The following GRIA4 variants were observed in gnomAD, a reference collection of about 807,000 sequenced individuals.
GRIA4 encodes the protein glutamate ionotropic receptor AMPA type subunit 4.
A neutral mutation model predicts 104.0 loss-of-function variants in GRIA4; 34 were observed. The ratio of observed to expected loss-of-function variants is 0.33; its 90% CI spans 0.25 to 0.44. The LOEUF (loss-of-function observed/expected upper bound fraction) is 0.44, where lower values mean the gene tolerates loss of function less well. Ranked by LOEUF, GRIA4 falls within the 20% of genes least tolerant of loss-of-function variation. GRIA4 has a pLI of 1.00. For missense variants in GRIA4, 750 were observed against 1,096.5 expected (o/e 0.68, Z 4.46); for synonymous variants, 386 against 381.9 (o/e 1.01, Z -0.13).
chr11:105,613,452 T>C (rs781137111), intron 3 of GRIA4: 1 of 152,170 alleles, frequency 6.6e-6, no homozygotes, highest in African/African-American at 2.4e-5. Context: ...CTACATACAA[T>C]TTTGCATGTT....
intron 3 of GRIA4, among the ~76,000 whole-genome samples, chr11:105,678,914 C>A (rs1952625278): frequency 6.6e-6 from 1 of 152,070 alleles, no homozygotes; most frequent in Non-Finnish European, 1.5e-5. Context: ...AATTTTCCCC[C>A]TGGAAAAGGT....
intron 3 of GRIA4, among the ~76,000 whole-genome samples, chr11:105,718,565 T>G (rs1389534052): frequency 1.3e-5 from 2 of 152,134 alleles, no homozygotes; most frequent in Non-Finnish European, 2.9e-5. Flanking sequence ...AGAAAACGAT[T>G]GCTGTCTCAT....
intron 3 of GRIA4, among the ~76,000 whole-genome samples, chr11:105,633,260 A>G (rs574108792): frequency 6.6e-6 from 1 of 152,322 alleles, no homozygotes; most frequent in Non-Finnish European, 1.5e-5. Context: ...CATGTGTTTC[A>G]CAGCTGACAA....
chr11:105,871,690 A>T (rs74958946), intron 5 of GRIA4, among the ~76,000 whole-genome samples: 1 of 152,056 alleles, frequency 6.6e-6, no homozygotes, highest in Non-Finnish European at 1.5e-5. Flanking sequence ...GTGAAAAAAA[A>T]ATCTGCTGAA....
At chr11:105,961,980 T>A (rs891245536) in intron 14 of GRIA4, among the ~76,000 whole-genome samples, 1 of 152,208 alleles carries the variant, frequency 6.6e-6, no homozygotes, top group Non-Finnish European at 1.5e-5. Flanking sequence ...GTCCTGAATA[T>A]CTTGTGGGCA....
intron 4 of GRIA4, 57 bp downstream of exon 4, chr11:105,753,277 C>T (rs576986509): frequency 2.7e-5 from 41 of 1,512,514 alleles, no homozygotes; most frequent in Non-Finnish European, 2.9e-5. Context: ...TGTGAAATGG[C>T]CTTATATGAC....
chr11:105,925,529 A>G (rs571470294), intron 12 of GRIA4, among the ~76,000 whole-genome samples: 14 of 152,302 alleles, frequency 9.2e-5, no homozygotes, highest in African/African-American at 2.6e-4. Context: ...CATCACAAAT[A>G]TATGGATTTC....
chr11:105,751,115 A>G lies in GRIA4; in HGVS notation c.248-1866A>G, dbSNP rs1455951110. Among the ~76,000 whole-genome samples, 13 of 152,204 alleles carry G rather than the reference A, an allele frequency of 8.5e-5. 1 individual carries two copies. The highest frequency in any genetic ancestry group is 2.6e-4 in the Admixed American group (4 of 15,268). Reference sequence around the variant, plus strand: ...TTTGTGTATAGTTTCAGCACAAACTAAAAGCCAGGATCTTAGGTTTGAATT... The same window carrying G: ...TTTGTGTATAGTTTCAGCACAAACTGAAAGCCAGGATCTTAGGTTTGAATT... On this transcript the variant is annotated intron_variant, in intron 3 of 16. Coordinates refer to ENST00000282499, the MANE Select transcript of GRIA4 (RefSeq NM_000829.4).
At chr11:105,711,827 A>G (rs531835221) in intron 3 of GRIA4, among the ~76,000 whole-genome samples, 7 of 152,254 alleles carry the variant, frequency 4.6e-5, no homozygotes, top group Non-Finnish European at 7.4e-5. Flanking sequence ...GCTCAATTCC[A>G]TTCTGGCTCA....
chr11:105,971,897 T>C lies in GRIA4; in HGVS notation c.2295-17T>C. 1 of 1,440,968 alleles carries C rather than the reference T, an allele frequency of 6.9e-7. No individual in the cohort carries two copies. The highest frequency in any genetic ancestry group is 9.8e-7 in the Non-Finnish European group (1 of 1,024,382). 89.3% of individuals were successfully genotyped at this position (1,440,968 alleles called of 1,614,324 possible). On this transcript the variant is annotated splice_polypyrimidine_tract_variant and intron_variant, in intron 14 of 16. Transcript: ENST00000282499. ...AATAACATATATAATGTTATTTATGTTATTTTCCACGTGAAGAACTCCTGT... is the reference window on the plus strand; with the variant it reads ...AATAACATATATAATGTTATTTATGCTATTTTCCACGTGAAGAACTCCTGT...
chr11:105,846,317 A>G (rs551638010), intron 4 of GRIA4, among the ~76,000 whole-genome samples: 44 of 152,186 alleles, frequency 2.9e-4, no homozygotes, highest in Non-Finnish European at 5.7e-4. Flanking sequence ...CAACACCTGT[A>G]GTTAATTTGG....
chr11:105,935,974 G>T (rs758471116), intron 14 of GRIA4, among the ~76,000 whole-genome samples: 1 of 152,122 alleles, frequency 6.6e-6, no homozygotes, highest in Non-Finnish European at 1.5e-5. Context: ...TTCCTGGATG[G>T]AGAGTTTGTT....
intron 7 of GRIA4, among the ~76,000 whole-genome samples, chr11:105,902,300 G>A (rs1413474339): frequency 2.7e-5 from 4 of 150,830 alleles, no homozygotes; most frequent in East Asian, 1.9e-4. Flanking sequence ...TCTCATGGCC[G>A]TGTTGCCTAA....
intron 11 of GRIA4, among the ~76,000 whole-genome samples, chr11:105,922,294 A>C (rs531762774): frequency 4.7e-4 from 71 of 152,146 alleles, no homozygotes; most frequent in Non-Finnish European, 9.1e-4. Flanking sequence ...AAGTAAACAG[A>C]ACTTTTCTGA....
Position 105,926,884 on chromosome 11 carries a change from A to C in GRIA4, c.1991A>C (p.Gln664Pro). The C allele has an allele frequency of 6.2e-7, 1 of 1,612,620 alleles. No homozygotes were observed. The highest frequency in any genetic ancestry group is 8.5e-7 in the Non-Finnish European group (1 of 1,178,958). Reference sequence around the variant, plus strand: ...GAAAGTGCAGAAGACCTGGCCAAACAAACAGAAATTGCCTATGGAACACTG... The same window carrying C: ...GAAAGTGCAGAAGACCTGGCCAAACCAACAGAAATTGCCTATGGAACACTG... ...PIESAEDLAK[Q>P]TEIAYGTLDS... is the part of the protein sequence containing the mutation. Residue 664 changes from glutamine (Q) to proline (P), a missense_variant, in exon 13 of 17, where the codon CAA becomes CCA. By Grantham distance (76) the Gln-to-Pro change is moderately conservative. This residue lies in a region of GRIA4 where 272 missense variants were observed against 524.5 expected (regional missense o/e 0.52). Transcript: ENST00000282499.
intron 3 of GRIA4, among the ~76,000 whole-genome samples, chr11:105,635,534 C>T (rs1398059096): frequency 6.6e-6 from 1 of 152,050 alleles, no homozygotes; most frequent in Non-Finnish European, 1.5e-5. Context: ...GGAAATACTC[C>T]GAAGGACATT....
intron 10 of GRIA4, chr11:105,912,532 A>AT: frequency 3.7e-6 from 1 of 268,430 alleles, no homozygotes; most frequent in Non-Finnish European, 5.6e-6. Context: ...ATATATATAT[A>AT]AATATATATA....
At chr11:105,916,635 T>A (rs1444886331) in intron 10 of GRIA4, among the ~76,000 whole-genome samples, 1 of 152,224 alleles carries the variant, frequency 6.6e-6, no homozygotes, top group Non-Finnish European at 1.5e-5. Flanking sequence ...TGAAGTAAAT[T>A]GTTCATTATG....
intron 3 of GRIA4, among the ~76,000 whole-genome samples, chr11:105,748,541 C>A (rs773280302): frequency 1.3e-5 from 2 of 152,118 alleles, no homozygotes; most frequent in Non-Finnish European, 2.9e-5. Context: ...TGCCAGCACG[C>A]CCTGCTAATT....
Sources: gnomAD v4.1 joint callset for allele counts (sites outside exome capture counted in the v4.1 genomes callset) on GRCh38, gnomAD v4.1.1 for gene constraint, gnomAD v4.1.1 regional missense constraint, MANE v1.5 for transcripts, NCBI Gene and HGNC (gene_info 2026-07-23, HGNC 2026-07-21) for gene names.